EIPR1: variants seen among roughly 807,000 people sequenced by gnomAD.
EIPR1 encodes the protein EARP complex and GARP complex interacting protein 1, also known as EARP and GARP complex-interacting protein 1.
A neutral mutation model predicts 48.1 loss-of-function variants in EIPR1; 25 were observed. The observed-to-expected ratio is 0.52, with a 90% CI of 0.38 to 0.73. EIPR1 has a LOEUF of 0.73. EIPR1 is among the 30% of genes least tolerant of loss of function. The pLI, the probability that EIPR1 is intolerant of heterozygous loss-of-function variation, is 0.00. For synonymous variants in EIPR1, 204 were observed against 201.9 expected, an observed-to-expected ratio of 1.01 and a Z score of -0.09; for missense variants, 415 against 506.2, an observed-to-expected ratio of 0.82 and a Z score of 1.73.
chr2:3,215,443 C>T (rs1212303647), intron 4 of EIPR1, among the ~76,000 whole-genome samples: 1 of 152,140 alleles, frequency 6.6e-6, no homozygotes, highest in Non-Finnish European at 1.5e-5. Context: ...TTGGAGCCAC[C>T]GTTTCCCATC....
At chr2:3,342,023 T>C (rs1411970691) in intron 2 of EIPR1, among the ~76,000 whole-genome samples, 3 of 152,208 alleles carry the variant, frequency 2.0e-5, no homozygotes, top group South Asian at 2.1e-4. Flanking sequence ...TATGATAGAA[T>C]TGATCCGGAT....
chr2:3,304,940 T>C (rs1668881206), intron 3 of EIPR1, among the ~76,000 whole-genome samples: 1 of 145,852 alleles, frequency 6.9e-6, no homozygotes, highest in Non-Finnish European at 1.5e-5. Context: ...CCCGTCCAGT[T>C]CAGCCCTCCA....
chr2:3,192,692 G>A, intron 7 of EIPR1, 111 bp from the exon 8 acceptor site: 1 of 1,113,518 alleles, frequency 9.0e-7, no homozygotes, highest in Non-Finnish European at 1.3e-6. Context: ...GTTAGGCACT[G>A]CCAGGCAATC....
intron 4 of EIPR1, among the ~76,000 whole-genome samples, chr2:3,253,944 G>A (rs1360551844): frequency 1.3e-5 from 2 of 152,208 alleles, no homozygotes; most frequent in Non-Finnish European, 2.9e-5. Flanking sequence ...ACCCATGGCA[G>A]GCGTGATGGC....
chr2:3,296,763 C>T (rs1446104297), intron 3 of EIPR1, among the ~76,000 whole-genome samples: 1 of 152,122 alleles, frequency 6.6e-6, no homozygotes, highest in East Asian at 1.9e-4. Context: ...ATCCTCTCTA[C>T]ACACACAGAT....
At chr2:3,248,420 G>A (rs544064441) in intron 4 of EIPR1, among the ~76,000 whole-genome samples, 2 of 152,272 alleles carry the variant, frequency 1.3e-5, no homozygotes, top group East Asian at 3.9e-4. Flanking sequence ...ATGGCAAAAC[G>A]CTGTCTCTAC....
chr2:3,257,269 T>C (rs1667186681), intron 4 of EIPR1, 30 bp downstream of exon 4: 3 of 1,601,854 alleles, frequency 1.9e-6, no homozygotes, highest in Admixed American at 1.7e-5. Context: ...GCAGGCTCGT[T>C]CTGGGCGCAT....
chr2:3,361,376 C>T lies in EIPR1; in HGVS notation c.43-6743G>A, dbSNP rs930932946. ...CAGGTCCCCAAGGAAACAGAGCCAT[C>T]TCTGGCTTCCAGGAAACCCCCATAG... On this transcript the variant is annotated intron_variant, in intron 1 of 8. Coordinates refer to ENST00000382125, the MANE Select transcript of EIPR1 (RefSeq NM_003310.5). 5.3e-5 allele frequency among the ~76,000 whole-genome samples: 8 copies of T among 150,706 alleles called. 1 individual carries two copies. The highest frequency in any genetic ancestry group is 8.8e-5 in the Non-Finnish European group (6 of 68,008).
chr2:3,233,427 G>A (rs917925959), intron 4 of EIPR1, among the ~76,000 whole-genome samples: 4 of 152,154 alleles, frequency 2.6e-5, no homozygotes, highest in African/African-American at 9.7e-5. Context: ...ACACTTTAGG[G>A]TAAGTGCTTA....
chr2:3,200,475 T>C (rs2103114748), intron 5 of EIPR1, among the ~76,000 whole-genome samples: 1 of 152,332 alleles, frequency 6.6e-6, no homozygotes, highest in South Asian at 2.1e-4. Context: ...AAGGGCTATT[T>C]CTGCTCCGTG....
chr2:3,260,719 A>T (rs890897667), intron 3 of EIPR1, among the ~76,000 whole-genome samples: 7 of 152,216 alleles, frequency 4.6e-5, no homozygotes, highest in African/African-American at 1.7e-4. Flanking sequence ...GCCAAATCAG[A>T]CACTTCACAA....
intron 4 of EIPR1, among the ~76,000 whole-genome samples, chr2:3,240,372 C>A (rs1219893199): frequency 3.8e-4 from 53 of 141,168 alleles, no homozygotes; most frequent in South Asian, 9.2e-4. Context: ...CTTCCTAAAG[C>A]AAAGCCAGCA....
chr2:3,328,461 G>C (rs1669768516), intron 3 of EIPR1, among the ~76,000 whole-genome samples: 1 of 139,906 alleles, frequency 7.1e-6, no homozygotes, highest in Non-Finnish European at 1.5e-5. Context: ...GGGTTCCCCT[G>C]AATCAGAGCC....
At chr2:3,341,632 G>T (rs1670252239) in intron 2 of EIPR1, among the ~76,000 whole-genome samples, 1 of 151,550 alleles carries the variant, frequency 6.6e-6, no homozygotes. Flanking sequence ...GCTATGGTGG[G>T]TGTACATGGG....
At chr2:3,358,241 T>C (rs918886856) in intron 1 of EIPR1, among the ~76,000 whole-genome samples, 1 of 152,218 alleles carries the variant, frequency 6.6e-6, no homozygotes, top group Admixed American at 6.5e-5. Flanking sequence ...CCATTTAGTC[T>C]GCCTAGTTTT....
In EIPR1 at chr2:3,287,866, C is replaced by CATGCTCCAGAAAGCTCATTCAG. The variant is rs1668251100; in HGVS notation, c.260-30412_260-30411insCTGAATGAGCTTTCTGGAGCAT. ...CACCATGCTCCAGAAAGCTCATTCACCATGCTCCAGAAAGCTCATTCGGCA... is the reference window on the plus strand; with the variant it reads ...CACCATGCTCCAGAAAGCTCATTCACATGCTCCAGAAAGCTCATTCAGCATGCTCCAGAAAGCTCATTCGGCA... On this transcript the variant is annotated intron_variant, in intron 3 of 8. Coordinates refer to ENST00000382125, the MANE Select transcript of EIPR1 (RefSeq NM_003310.5). Among the ~76,000 whole-genome samples the CATGCTCCAGAAAGCTCATTCAG allele has an allele frequency of 6.2e-3, 891 of 143,782 alleles. 8 individuals carry two copies. The highest frequency in any genetic ancestry group is 0.011 in the South Asian group (48 of 4,534). 94.3% of individuals were successfully genotyped at this position (143,782 alleles called of 152,430 possible). A position where few individuals can be genotyped will look rare whatever the true frequency, so the allele number is the denominator to read the frequency against.
intron 4 of EIPR1, among the ~76,000 whole-genome samples, chr2:3,246,139 A>G (rs1869418): frequency 0.57 from 87,191 of 152,014 alleles, 25,374 homozygotes; most frequent in East Asian, 0.75. Flanking sequence ...CCATAATCAC[A>G]GACAATTCCC....
At chr2:3,346,594 G>A (rs1255002171) in intron 2 of EIPR1, among the ~76,000 whole-genome samples, 1 of 152,038 alleles carries the variant, frequency 6.6e-6, no homozygotes, top group African/African-American at 2.4e-5. Context: ...GGAATTTGGA[G>A]AAAAATAAAT....
intron 6 of EIPR1, among the ~76,000 whole-genome samples, chr2:3,195,064 C>A (rs2103106477): frequency 6.6e-6 from 1 of 152,398 alleles, no homozygotes; most frequent in Admixed American, 6.5e-5. Flanking sequence ...CACGCACTCA[C>A]ACATCTCACT....
Sources: gnomAD v4.1 joint callset for allele counts (sites outside exome capture counted in the v4.1 genomes callset) on GRCh38, gnomAD v4.1.1 for gene constraint, MANE v1.5 for transcripts, NCBI Gene and HGNC (gene_info 2026-07-23, HGNC 2026-07-21) for gene names.